The following ERBB4 variants were observed in gnomAD, a reference collection of about 807,000 sequenced individuals.
The protein encoded by ERBB4 is erb-b2 receptor tyrosine kinase 4, also known as receptor tyrosine-protein kinase erbB-4.
Under a neutral mutation model 158.0 loss-of-function variants are expected in ERBB4, and 42 were observed. The observed-to-expected ratio is 0.27, with a 90% confidence interval of 0.21 to 0.34. The LOEUF is 0.34. ERBB4 is among the 10% of genes least tolerant of loss of function. The pLI is 1.00. For missense variants in ERBB4, 1,333 were observed against 1,624.1 expected (o/e 0.82, Z 3.08); for synonymous variants, 583 against 558.7 (o/e 1.04, Z -0.61).
chr2:211,941,113 T>G (rs1484707995), intron 3 of ERBB4, among the ~76,000 whole-genome samples: 7 of 152,136 alleles, frequency 4.6e-5, no homozygotes, highest in Non-Finnish European at 4.4e-5. Flanking sequence ...CCAGAAATTG[T>G]GGACCTGATC....
chr2:212,106,303 C>A (rs1012808716), intron 2 of ERBB4, among the ~76,000 whole-genome samples: 1 of 152,096 alleles, frequency 6.6e-6, no homozygotes, highest in Non-Finnish European at 1.5e-5. Context: ...AGATGAAGAA[C>A]TTGTTGGGAA....
intron 1 of ERBB4, among the ~76,000 whole-genome samples, chr2:212,295,351 T>A (rs1450187346): frequency 6.6e-6 from 1 of 152,050 alleles, no homozygotes; most frequent in African/African-American, 2.4e-5. Flanking sequence ...TATATGTTGA[T>A]CACACAGCTA....
intron 1 of ERBB4, among the ~76,000 whole-genome samples, chr2:212,206,719 T>A (rs891570647): frequency 2.6e-5 from 4 of 151,634 alleles, no homozygotes; most frequent in Non-Finnish European, 4.4e-5. Context: ...CCCGAGTAGC[T>A]GGGACTACAG....
intron 3 of ERBB4, among the ~76,000 whole-genome samples, chr2:211,804,898 A>C (rs2076581259): frequency 6.6e-6 from 1 of 150,394 alleles, no homozygotes; most frequent in African/African-American, 2.4e-5. Context: ...TTCTGAGCAG[A>C]GGTTACAGCT....
chr2:211,455,718 T>C (rs1053586877), intron 20 of ERBB4, among the ~76,000 whole-genome samples: 2 of 152,196 alleles, frequency 1.3e-5, no homozygotes, highest in South Asian at 4.1e-4. Flanking sequence ...ATTACAAACA[T>C]AAAATATGTC....
chr2:212,472,294 C>T (rs1399124333), intron 1 of ERBB4, among the ~76,000 whole-genome samples: 1 of 151,762 alleles, frequency 6.6e-6, no homozygotes. Flanking sequence ...GCACAACAAC[C>T]TTTTACCATA....
intron 1 of ERBB4, among the ~76,000 whole-genome samples, chr2:212,207,138 T>TGC (rs1469053650): frequency 6.6e-6 from 1 of 152,126 alleles, no homozygotes; most frequent in Admixed American, 6.5e-5. Flanking sequence ...TCAAATTCTT[T>TGC]CATTTTGTTT....
At chr2:212,180,551 A>C (rs952792613) in intron 1 of ERBB4, among the ~76,000 whole-genome samples, 4 of 151,634 alleles carry the variant, frequency 2.6e-5, no homozygotes, top group African/African-American at 9.7e-5. Context: ...CCCATTACAG[A>C]TTTCTTATTC....
At chr2:211,961,297 A>T (rs1471473915) in intron 2 of ERBB4, among the ~76,000 whole-genome samples, 1 of 152,152 alleles carries the variant, frequency 6.6e-6, no homozygotes, top group Admixed American at 6.6e-5. Flanking sequence ...ATAGTAAGAC[A>T]GTTTCTCCTT....
rs116270406 is a variant in ERBB4 at position 212,078,875 on chromosome 2, T to C, written c.234+45877A>G. 7.9e-3 allele frequency among the ~76,000 whole-genome samples: 1,189 copies of C among 151,282 alleles called. 12 individuals carry two copies. Among genetic ancestry groups the C allele is most frequent in the African/African-American group, 0.026 (1,090 of 41,390 alleles). On this transcript the variant is annotated intron_variant, in intron 2 of 27. Transcript: ENST00000342788. ...AGTTACCATTTTATACTGATATTTT[T>C]AGTATAATATTAATGCTAATATTAT...
Position 211,826,852 on chromosome 2 carries a change from A to T in ERBB4, c.422-38693T>A, listed in dbSNP as rs56847605. On this transcript the variant is annotated intron_variant, in intron 3 of 27. Transcript: ENST00000342788. ...ACATTTTAATGACATATTTTACTTA[A>T]GGCAATCCTTAGAGTTTAAAGAATG... 0.017 allele frequency among the ~76,000 whole-genome samples: 2,650 copies of T among 152,186 alleles called. 178 individuals are homozygous for T. The East Asian group carries it at 0.2, about 12-fold the overall frequency.
Position 211,932,310 on chromosome 2 carries a change from A to G in ERBB4, c.421+15120T>C, listed in dbSNP as rs115533830. On this transcript the variant is annotated intron_variant, in intron 3 of 27. Transcript: ENST00000342788. Reference sequence around the variant, plus strand: ...ATTTCTGACTTTATGCGTAAGTCTTAGAGTGTTTTTTGGATACAAGAGCTA... The same window carrying G: ...ATTTCTGACTTTATGCGTAAGTCTTGGAGTGTTTTTTGGATACAAGAGCTA... Among the ~76,000 whole-genome samples, 439 of 152,098 alleles carry G rather than the reference A, an allele frequency of 2.9e-3. 2 individuals are homozygous for G. The highest frequency in any genetic ancestry group is 4.3e-3 in the Non-Finnish European group (289 of 67,928).
intron 1 of ERBB4, among the ~76,000 whole-genome samples, chr2:212,177,315 G>A (rs973206832): frequency 3.3e-5 from 5 of 151,688 alleles, no homozygotes; most frequent in Non-Finnish European, 7.4e-5. Context: ...TAGCGGTTGT[G>A]CCTATTACAC....
chr2:212,117,974 T>G (rs543042976), intron 2 of ERBB4, among the ~76,000 whole-genome samples: 1 of 152,326 alleles, frequency 6.6e-6, no homozygotes, highest in East Asian at 1.9e-4. Context: ...ATAAATTATC[T>G]ATTTATTTTG....
In ERBB4 at chr2:211,882,983, T is replaced by C. The variant is rs988705054; in HGVS notation, c.421+64447A>G. On this transcript the variant is annotated intron_variant, in intron 3 of 27. Transcript: ENST00000342788. ...ATACCCAAAGGATGATAAATCATGC[T>C]GCTATAAAGACACATGCACACGTAT... 4.6e-5 allele frequency among the ~76,000 whole-genome samples: 7 copies of C among 152,350 alleles called. 1 individual carries two copies. The highest frequency in any genetic ancestry group is 1.4e-4 in the African/African-American group (6 of 41,586).
chr2:212,441,406 G>A (rs189871782), intron 1 of ERBB4, among the ~76,000 whole-genome samples: 1 of 152,238 alleles, frequency 6.6e-6, no homozygotes, highest in Non-Finnish European at 1.5e-5. Flanking sequence ...TTCTCCTCAG[G>A]AGCCACCCCC....
rs538367049 is a variant in ERBB4, at chr2:211,701,906, C to T, written c.1489+61G>A. The T allele has an allele frequency of 3.9e-6, 5 of 1,275,304 alleles. No homozygotes were observed. The East Asian group carries it at 9.3e-5, about 24-fold the overall frequency. 79.0% of individuals were successfully genotyped at this position (1,275,304 alleles called of 1,614,324 possible). On this transcript the variant is annotated intron_variant, in intron 12 of 27. Transcript: ENST00000342788. ...GGATGTTATTTTTAATTGTTTGGTCCAAAGAAGAATGGGAAAAAATTTAAG... is the reference window on the plus strand; with the variant it reads ...GGATGTTATTTTTAATTGTTTGGTCTAAAGAAGAATGGGAAAAAATTTAAG...
intron 1 of ERBB4, among the ~76,000 whole-genome samples, chr2:212,339,399 T>C (rs1051231041): frequency 2.6e-5 from 4 of 152,214 alleles, no homozygotes; most frequent in Admixed American, 6.6e-5. Context: ...TGTAGTATAG[T>C]ATTAGTAAAT....
chr2:212,139,161 C>T (rs1276604572), intron 1 of ERBB4, among the ~76,000 whole-genome samples: 2 of 151,928 alleles, frequency 1.3e-5, no homozygotes, highest in Non-Finnish European at 2.9e-5. Flanking sequence ...AAAGTCCAAC[C>T]TTTTAATGGA....
Sources: gnomAD v4.1 joint callset for allele counts (sites outside exome capture counted in the v4.1 genomes callset) on GRCh38, gnomAD v4.1.1 for gene constraint, MANE v1.5 for transcripts, NCBI Gene and HGNC (gene_info 2026-07-23, HGNC 2026-07-21) for gene names.